CHL1: variants seen among roughly 807,000 people sequenced by gnomAD.
The protein encoded by CHL1 is cell adhesion molecule L1 like, also known as neural cell adhesion molecule L1-like protein.
CHL1 carries 96 observed loss-of-function variants against 141.9 expected under a neutral mutation model. The ratio of observed to expected loss-of-function variants is 0.68; its 90% CI spans 0.57 to 0.80. CHL1 has a LOEUF of 0.80. Ranked by LOEUF, CHL1 falls within the 30% of genes least tolerant of loss-of-function variation. The probability of loss-of-function intolerance (pLI) is 0.00; values close to 1 mark genes in which losing one functional copy is unlikely to be tolerated. For synonymous variants in CHL1, 613 were observed against 502.2 expected (o/e 1.22, Z -2.95); for missense variants, 1,820 against 1,457.2 (o/e 1.25, Z -4.05).
At chr3:355,261 A>C (rs968678161) in intron 11 of CHL1, among the ~76,000 whole-genome samples, 1 of 152,120 alleles carries the variant, frequency 6.6e-6, no homozygotes, top group African/African-American at 2.4e-5. Context: ...ATCCTCAGGG[A>C]AAAGGAGGCA....
At chr3:319,037 C>A (rs1001228273) in intron 2 of CHL1, among the ~76,000 whole-genome samples, 3 of 151,272 alleles carry the variant, frequency 2.0e-5, no homozygotes, top group African/African-American at 7.3e-5. Flanking sequence ...GGTCATTATT[C>A]TAAGCAAATT....
chr3:315,864 C>A (rs1024112186), intron 2 of CHL1, among the ~76,000 whole-genome samples: 1 of 151,666 alleles, frequency 6.6e-6, no homozygotes, highest in African/African-American at 2.4e-5. Context: ...GTTTAATAGG[C>A]AAAAGAAAGA....
intron 16 of CHL1, among the ~76,000 whole-genome samples, chr3:379,507 A>G (rs1163630819): frequency 1.3e-5 from 2 of 152,222 alleles, no homozygotes; most frequent in East Asian, 3.9e-4. Flanking sequence ...TCCCAGGCCT[A>G]GTGAGTAGAG....
At chr3:251,254 A>T (rs1000270240) in intron 2 of CHL1, among the ~76,000 whole-genome samples, 3 of 152,076 alleles carry the variant, frequency 2.0e-5, no homozygotes, top group Admixed American at 2.0e-4. Context: ...TGTGCTGGGG[A>T]GGTAAAAAAT....
intron 1 of CHL1, among the ~76,000 whole-genome samples, chr3:219,610 C>T (rs1225988154): frequency 6.6e-6 from 1 of 152,180 alleles, no homozygotes; most frequent in Non-Finnish European, 1.5e-5. Flanking sequence ...AAACCAAATA[C>T]TGCATGTTCT....
At chr3:249,750 G>A (rs368965169) in intron 2 of CHL1, among the ~76,000 whole-genome samples, 13 of 152,076 alleles carry the variant, frequency 8.5e-5, no homozygotes, top group South Asian at 6.2e-4. Flanking sequence ...ACAGACTTTG[G>A]TCCATGGTAA....
chr3:281,162 A>T (rs1477490273), intron 2 of CHL1, among the ~76,000 whole-genome samples: 7 of 152,180 alleles, frequency 4.6e-5, no homozygotes, highest in Non-Finnish European at 7.3e-5. Context: ...ACAAGGAATT[A>T]TTCAGTTGGA....
chr3:379,338 G>A (rs976611696), intron 16 of CHL1, among the ~76,000 whole-genome samples: 10 of 152,228 alleles, frequency 6.6e-5, no homozygotes, highest in Non-Finnish European at 1.2e-4. Flanking sequence ...TAGAGTTGTC[G>A]AGTCGGCTCA....
intron 2 of CHL1, among the ~76,000 whole-genome samples, chr3:253,164 A>G (rs1430517772): frequency 2.6e-5 from 4 of 152,190 alleles, no homozygotes; most frequent in African/African-American, 9.6e-5. Context: ...ACACATTTCT[A>G]TAATTGTACT....
At chr3:381,249 C>G (rs78420322) in intron 16 of CHL1, among the ~76,000 whole-genome samples, 1 of 152,058 alleles carries the variant, frequency 6.6e-6, no homozygotes, top group South Asian at 2.1e-4. Flanking sequence ...ACAAAGAACC[C>G]CAGACCCCAG....
At chr3:258,383 C>G (rs960444359) in intron 2 of CHL1, among the ~76,000 whole-genome samples, 3 of 152,206 alleles carry the variant, frequency 2.0e-5, no homozygotes, top group Non-Finnish European at 1.5e-5. Flanking sequence ...TGGCCAACAT[C>G]TACTTCCACA....
At chr3:240,512 T>G (rs1692452710) in intron 1 of CHL1, among the ~76,000 whole-genome samples, 1 of 152,228 alleles carries the variant, frequency 6.6e-6, no homozygotes, top group South Asian at 2.1e-4. Flanking sequence ...CTTTGTTGGA[T>G]GTATAGATTG....
chr3:329,616 GAT>G (rs1701285579), intron 5 of CHL1, among the ~76,000 whole-genome samples: 1 of 151,744 alleles, frequency 6.6e-6, no homozygotes. Flanking sequence ...AAGAAAAAGA[GAT>G]AGAAATAAAT....
intron 1 of CHL1, among the ~76,000 whole-genome samples, chr3:214,750 A>G (rs145337796): frequency 4.1e-4 from 62 of 152,328 alleles, no homozygotes; most frequent in Admixed American, 3.9e-3. Context: ...TACAGAAGAT[A>G]TAACTTATTA....
chr3:298,357 T>C (rs1698400251), intron 2 of CHL1, among the ~76,000 whole-genome samples: 1 of 152,172 alleles, frequency 6.6e-6, no homozygotes, highest in Non-Finnish European at 1.5e-5. Flanking sequence ...GAGAGAGGTC[T>C]TTGACCTTCA....
intron 2 of CHL1, among the ~76,000 whole-genome samples, chr3:261,948 C>A (rs1488255993): frequency 6.7e-5 from 10 of 149,876 alleles, no homozygotes; most frequent in Non-Finnish European, 1.5e-4. Context: ...ACAGTACTCA[C>A]AGGGCAGGAT....
At chr3:224,180 A>G (rs1701117898) in intron 1 of CHL1, among the ~76,000 whole-genome samples, 1 of 152,120 alleles carries the variant, frequency 6.6e-6, no homozygotes, top group African/African-American at 2.4e-5. Flanking sequence ...TTGGTCCCTG[A>G]ACAAGGAGGG....
At chr3:223,977 A>G (rs2124997014) in intron 1 of CHL1, among the ~76,000 whole-genome samples, 1 of 152,274 alleles carries the variant, frequency 6.6e-6, no homozygotes, top group South Asian at 2.1e-4. Context: ...AGAGTCTGAA[A>G]AATACCTCAA....
chr3:343,912 G>T (rs2125161742), intron 8 of CHL1, among the ~76,000 whole-genome samples: 1 of 152,268 alleles, frequency 6.6e-6, no homozygotes, highest in Admixed American at 6.5e-5. Flanking sequence ...ACGAAGTATA[G>T]AAGACTGTCT....
Sources: gnomAD v4.1 joint callset for allele counts (sites outside exome capture counted in the v4.1 genomes callset) on GRCh38, gnomAD v4.1.1 for gene constraint, MANE v1.5 for transcripts, NCBI Gene and HGNC (gene_info 2026-07-23, HGNC 2026-07-21) for gene names.